Variants in TRIQK observed in about 807,000 individuals in gnomAD.
The protein encoded by TRIQK is triple QxxK/R motif containing, also known as triple QxxK/R motif-containing protein.
A neutral mutation model predicts 10.8 loss-of-function variants in TRIQK; 10 were observed. The observed-to-expected ratio is 0.92, with a 90% CI of 0.57 to 1.57. The LOEUF (loss-of-function observed/expected upper bound fraction) is 1.57. Ranked by LOEUF, TRIQK falls within the 40% of genes most tolerant of loss-of-function variation. The pLI, the probability that TRIQK is intolerant of heterozygous loss-of-function variation, is 0.00. For missense variants in TRIQK, 107 were observed against 97.7 expected, an observed-to-expected ratio of 1.09 and a Z score of -0.40; for synonymous variants, 33 against 33.7, an observed-to-expected ratio of 0.98 and a Z score of 0.07.
chr8:92,955,002 GTA>G (rs923227489), intron 1 of TRIQK, among the ~76,000 whole-genome samples: 1 of 151,854 alleles, frequency 6.6e-6, no homozygotes, highest in African/African-American at 2.4e-5. Context: ...AAATGTTTAA[GTA>G]TATGTTACTT....
chr8:93,000,989 T>C (rs148203779), intron 1 of TRIQK, among the ~76,000 whole-genome samples: 6 of 151,908 alleles, frequency 3.9e-5, no homozygotes, highest in African/African-American at 1.4e-4. Context: ...TAAACTTGAA[T>C]GTAAATGAAT....
At chr8:92,966,980 CAAAA>C (rs10655820), upstream of TRIQK, among the ~76,000 whole-genome samples, 9 of 68,860 alleles carry the variant, frequency 1.3e-4, no homozygotes, top group African/African-American at 1.8e-4. Flanking sequence ...AAGTAGCATA[CAAAA>C]AAAAAAAAAA....
chr8:92,999,057 G>A (rs1813182291), intron 1 of TRIQK, among the ~76,000 whole-genome samples: 1 of 152,108 alleles, frequency 6.6e-6, no homozygotes, highest in African/African-American at 2.4e-5. Context: ...TATTTACTTA[G>A]TGTCTACTAT....
intron 1 of TRIQK, among the ~76,000 whole-genome samples, chr8:92,958,841 T>C (rs184708961): frequency 4.0e-4 from 61 of 152,186 alleles, no homozygotes; most frequent in Admixed American, 9.2e-4. Flanking sequence ...AATGTGACTA[T>C]GATTTTAGTG....
At chr8:92,940,206 A>G (rs1213903926) in intron 2 of TRIQK, among the ~76,000 whole-genome samples, 1 of 152,162 alleles carries the variant, frequency 6.6e-6, no homozygotes, top group Non-Finnish European at 1.5e-5. Flanking sequence ...TATCCATGTC[A>G]AAGAACTCCT....
chr8:92,969,751 G>A (rs562781401), upstream of TRIQK, among the ~76,000 whole-genome samples: 1 of 151,388 alleles, frequency 6.6e-6, no homozygotes, highest in South Asian at 2.1e-4. Flanking sequence ...CTATGCTTGT[G>A]CATTTGTTTA....
intron 1 of TRIQK, among the ~76,000 whole-genome samples, chr8:92,995,630 T>C (rs1378801145): frequency 1.3e-5 from 2 of 152,050 alleles, no homozygotes; most frequent in African/African-American, 4.8e-5. Flanking sequence ...ACAACAGTGA[T>C]CATCTTCCCT....
intron 1 of TRIQK, among the ~76,000 whole-genome samples, chr8:92,958,049 C>A (rs1450666283): frequency 6.6e-6 from 1 of 151,948 alleles, no homozygotes; most frequent in East Asian, 1.9e-4. Context: ...CATTTGAAAA[C>A]CTGAAATGGA....
chr8:93,008,673 TAAGTCTA>T (rs1442868654), intron 1 of TRIQK, among the ~76,000 whole-genome samples: 2 of 152,130 alleles, frequency 1.3e-5, no homozygotes, highest in Non-Finnish European at 2.9e-5. Context: ...AGCTCAGAAA[TAAGTCTA>T]TGCATTGACA....
chr8:92,932,399 A>T (rs1390956621), intron 2 of TRIQK, among the ~76,000 whole-genome samples: 1 of 152,130 alleles, frequency 6.6e-6, no homozygotes, highest in Non-Finnish European at 1.5e-5. Flanking sequence ...TGTTTTAACT[A>T]AACTGACCAA....
chr8:92,980,106 T>C (rs1303686955), intron 1 of TRIQK, among the ~76,000 whole-genome samples: 2 of 152,060 alleles, frequency 1.3e-5, no homozygotes, highest in Non-Finnish European at 2.9e-5. Context: ...CTTTATTAAG[T>C]TAAGAACACT....
chr8:92,931,407 G>A (rs577091939), intron 2 of TRIQK, among the ~76,000 whole-genome samples: 1 of 152,024 alleles, frequency 6.6e-6, no homozygotes, highest in Non-Finnish European at 1.5e-5. Context: ...ACATGCATGT[G>A]CTCTGTCAAT....
intron 1 of TRIQK, among the ~76,000 whole-genome samples, chr8:93,001,773 C>G (rs1051339830): frequency 6.6e-6 from 1 of 152,172 alleles, no homozygotes; most frequent in Non-Finnish European, 1.5e-5. Context: ...TAAACTGCAG[C>G]CTTGATCAAA....
rs886700408 is a variant in TRIQK, at chr8:93,012,339, T to C, written c.-181+5270A>G. On this transcript the variant is annotated intron_variant, in intron 1 of 4. Transcript: ENST00000520686. Reference sequence around the variant, plus strand: ...ACACAGAAAATGTCTTTGTTGATGATCAGGTAAAACAGAGTGCCCACGATT... The same window carrying C: ...ACACAGAAAATGTCTTTGTTGATGACCAGGTAAAACAGAGTGCCCACGATT... Among the ~76,000 whole-genome samples, 15 of 152,168 alleles carry C rather than the reference T, an allele frequency of 9.9e-5. 1 individual carries two copies. Among genetic ancestry groups the C allele is most frequent in the Admixed American group, 8.5e-4 (13 of 15,272 alleles).
chr8:92,975,757 T>G (rs1812925616), intron 1 of TRIQK, among the ~76,000 whole-genome samples: 1 of 152,042 alleles, frequency 6.6e-6, no homozygotes, highest in Non-Finnish European at 1.5e-5. Context: ...AGATAGAGAT[T>G]GAAGCCATTG....
intron 2 of TRIQK, among the ~76,000 whole-genome samples, chr8:92,933,181 A>C (rs1217082664): frequency 1.3e-5 from 2 of 152,116 alleles, no homozygotes; most frequent in African/African-American, 2.4e-5. Context: ...CTCTCATTCT[A>C]CTACGCCCTT....
chr8:92,916,652 A>G (rs1809866447), intron 3 of TRIQK, among the ~76,000 whole-genome samples: 1 of 152,100 alleles, frequency 6.6e-6, no homozygotes, highest in Non-Finnish European at 1.5e-5. Context: ...TGCTGATTAT[A>G]TAAAAGCATT....
chr8:92,918,495 C>A (rs970016722), intron 2 of TRIQK, among the ~76,000 whole-genome samples: 2 of 151,972 alleles, frequency 1.3e-5, no homozygotes, highest in African/African-American at 4.8e-5. Flanking sequence ...GAATGTTTTT[C>A]AAATACCTGT....
chr8:92,888,970 A>T (rs1220228622), intron 4 of TRIQK, among the ~76,000 whole-genome samples: 1 of 151,694 alleles, frequency 6.6e-6, no homozygotes, highest in East Asian at 1.9e-4. Flanking sequence ...TAATCTTTTA[A>T]TTGAGCAGCA....
Sources: allele counts gnomAD v4.1 joint callset (sites outside exome capture counted in the v4.1 genomes callset), GRCh38; gene constraint gnomAD v4.1.1; transcripts MANE v1.5; gene names NCBI Gene and HGNC (gene_info 2026-07-23, HGNC 2026-07-21).